The following IL1RAPL2 variants were observed in gnomAD, a reference collection of about 807,000 sequenced individuals.
IL1RAPL2 encodes the protein interleukin 1 receptor accessory protein like 2.
A neutral mutation model predicts 44.1 loss-of-function variants in IL1RAPL2; 3 were observed. That is an observed-to-expected ratio of 0.07 (90% CI 0.03 to 0.18). The LOEUF is 0.18. Among genes scored for constraint, IL1RAPL2 ranks in the 10% least tolerant of loss-of-function variants. The probability of loss-of-function intolerance (pLI) is 1.00; values close to 1 mark genes in which losing one functional copy is unlikely to be tolerated. For synonymous variants in IL1RAPL2, 181 were observed against 178.8 expected, an observed-to-expected ratio of 1.01 and a Z score of -0.10; for missense variants, 391 against 496.4, an observed-to-expected ratio of 0.79 and a Z score of 2.02.
intron 6 of IL1RAPL2, among the ~76,000 whole-genome samples, chrX:105,527,361 A>G (rs755553962): frequency 1.8e-5 from 2 of 110,666 alleles, no homozygotes; most frequent in African/African-American, 6.6e-5. Flanking sequence ...CCAGTTGTGG[A>G]TCATAAGTCA....
chrX:104,573,898 A>G (rs1033598809), intron 1 of IL1RAPL2, among the ~76,000 whole-genome samples: 4 of 111,535 alleles, frequency 3.6e-5, no homozygotes, highest in African/African-American at 1.3e-4. Flanking sequence ...GATTAGGACA[A>G]CAGCTGGTCA....
At chrX:104,771,171 G>T (rs973460209) in intron 2 of IL1RAPL2, among the ~76,000 whole-genome samples, 1 of 111,725 alleles carries the variant, frequency 9.0e-6, no homozygotes, top group South Asian at 3.7e-4. Flanking sequence ...CTGGGCTGTC[G>T]GATCTCCTAA....
chrX:105,111,593 T>G (rs970429701), intron 2 of IL1RAPL2, among the ~76,000 whole-genome samples: 7 of 112,033 alleles, frequency 6.2e-5, no homozygotes, highest in African/African-American at 1.9e-4. Context: ...AACAGAGCAA[T>G]GACAACAATT....
intron 5 of IL1RAPL2, chrX:105,405,898 T>C (rs1287178400): frequency 2.8e-5 from 32 of 1,161,985 alleles, no homozygotes; most frequent in Non-Finnish European, 3.5e-5. Flanking sequence ...GGTGGACTGA[T>C]TGATGATATT....
At chrX:105,406,041 C>T (rs764784176) in intron 5 of IL1RAPL2, 62 of 1,201,063 alleles carry the variant, frequency 5.2e-5, no homozygotes, top group Middle Eastern at 3.2e-4. Context: ...TGTTGGAGGG[C>T]GGTACTTTAC....
chrX:105,081,537 T>C (rs1485377656), intron 2 of IL1RAPL2, among the ~76,000 whole-genome samples: 1 of 111,695 alleles, frequency 9.0e-6, no homozygotes, highest in Non-Finnish European at 1.9e-5. Flanking sequence ...ATTCAAGAAT[T>C]CTTTCTAAGG....
intron 5 of IL1RAPL2, among the ~76,000 whole-genome samples, chrX:105,328,923 T>C (rs1233272350): frequency 8.9e-6 from 1 of 112,196 alleles, no homozygotes; most frequent in East Asian, 2.8e-4. Context: ...AAGTACACTA[T>C]ATGTTGTTTA....
At chrX:104,753,988 TAATA>T (rs1239617295) in intron 2 of IL1RAPL2, among the ~76,000 whole-genome samples, 1 of 111,708 alleles carries the variant, frequency 9.0e-6, no homozygotes, top group Non-Finnish European at 1.9e-5. Context: ...TATTTTGGCT[TAATA>T]AATAAAGAAA....
chrX:104,933,033 A>G (rs1181461765), intron 2 of IL1RAPL2, among the ~76,000 whole-genome samples: 1 of 112,112 alleles, frequency 8.9e-6, no homozygotes, highest in Non-Finnish European at 1.9e-5. Flanking sequence ...ATTTGGATTG[A>G]CAGTCAAATT....
chrX:104,893,547 T>G (rs1017352750), intron 2 of IL1RAPL2, among the ~76,000 whole-genome samples: 10 of 111,841 alleles, frequency 8.9e-5, no homozygotes, highest in African/African-American at 3.3e-4. Flanking sequence ...TGTAATGGTC[T>G]TCTTTGTCTC....
At chrX:105,483,118 G>A (rs1424139070) in intron 5 of IL1RAPL2, among the ~76,000 whole-genome samples, 1 of 106,843 alleles carries the variant, frequency 9.4e-6, no homozygotes, top group Non-Finnish European at 1.9e-5. Flanking sequence ...ACACACTGCA[G>A]CATTGTTTCC....
chrX:105,419,142 A>G (rs1163964064), intron 5 of IL1RAPL2, among the ~76,000 whole-genome samples: 1 of 112,114 alleles, frequency 8.9e-6, no homozygotes, highest in African/African-American at 3.2e-5. Context: ...GTGTTTCGGT[A>G]AAATTTATCC....
At chrX:105,489,181 T>C (rs929032653) in intron 6 of IL1RAPL2, among the ~76,000 whole-genome samples, 1 of 111,930 alleles carries the variant, frequency 8.9e-6, no homozygotes, top group Non-Finnish European at 1.9e-5. Context: ...TAAAACAATG[T>C]ACAACACGTA....
At chrX:105,373,509 C>T (rs1303616299) in intron 5 of IL1RAPL2, among the ~76,000 whole-genome samples, 4 of 111,729 alleles carry the variant, frequency 3.6e-5, no homozygotes, top group African/African-American at 6.5e-5. Context: ...TGTGAAGAAG[C>T]TCTTTAGTTT....
chrX:105,382,528 TA>T lies in IL1RAPL2; in HGVS notation c.698-101782del, dbSNP rs1478713268. 7.8e-5 allele frequency among the ~76,000 whole-genome samples: 8 copies of T among 102,477 alleles called. No individual in the cohort carries two copies. In the Admixed American group the frequency reaches 8.1e-4, roughly 10 times the overall value. 89.0% of individuals were successfully genotyped at this position (102,477 alleles called of 115,157 possible). On this transcript the variant is annotated intron_variant, in intron 5 of 10. Coordinates refer to ENST00000372582, the MANE Select transcript of IL1RAPL2 (RefSeq NM_017416.2). ...CACTTTTACACTGTTGGTGGGACTG[TA>T]AACTAGTTCAACCATTGTGGAAGTC...
intron 1 of IL1RAPL2, among the ~76,000 whole-genome samples, chrX:104,575,986 A>G (rs1338696796): frequency 8.9e-6 from 1 of 112,090 alleles, no homozygotes; most frequent in Non-Finnish European, 1.9e-5. Context: ...AATGCCCCTA[A>G]TAATGGGTAG....
chrX:105,143,660 G>C (rs1177170466), intron 2 of IL1RAPL2, among the ~76,000 whole-genome samples: 3 of 112,319 alleles, frequency 2.7e-5, no homozygotes, highest in African/African-American at 9.7e-5. Flanking sequence ...GTTTATTGCA[G>C]CACTATTCAC....
In IL1RAPL2 at chrX:105,586,767, T is replaced by G. The variant is rs1317591245; in HGVS notation, c.772+102380T>G. ...TTCCATGCATGCATAGACCAGTGCT[T>G]GGCCAAAAACTTGAGAGGAACCGCC... On this transcript the variant is annotated intron_variant, in intron 6 of 10. Coordinates refer to ENST00000372582, the MANE Select transcript of IL1RAPL2 (RefSeq NM_017416.2). Among the ~76,000 whole-genome samples, 3 of 112,482 alleles carry G rather than the reference T, an allele frequency of 2.7e-5. No individual in the cohort carries two copies. The East Asian group carries it at 8.4e-4, about 32-fold the overall frequency.
intron 10 of IL1RAPL2, among the ~76,000 whole-genome samples, chrX:105,763,170 T>G (rs1375982055): frequency 8.9e-6 from 1 of 112,035 alleles, no homozygotes; most frequent in Admixed American, 9.5e-5. Context: ...TTTCGTAGAT[T>G]ATATATGGTC....
Sources: allele counts gnomAD v4.1 joint callset (sites outside exome capture counted in the v4.1 genomes callset), GRCh38; gene constraint gnomAD v4.1.1; transcripts MANE v1.5; gene names NCBI Gene and HGNC (gene_info 2026-07-23, HGNC 2026-07-21).